The following ESRRG variants were observed in gnomAD, a reference collection of about 807,000 sequenced individuals.
ESRRG encodes the protein estrogen related receptor gamma, also known as estrogen-related receptor gamma.
ESRRG carries 13 observed loss-of-function variants against 44.0 expected under a neutral mutation model. The observed-to-expected ratio is 0.30, with a 90% confidence interval of 0.19 to 0.47. ESRRG has a LOEUF of 0.47. Ranked by LOEUF, ESRRG falls within the 20% of genes least tolerant of loss-of-function variation. The pLI is 1.00. For synonymous variants in ESRRG, 215 were observed against 214.6 expected, an observed-to-expected ratio of 1.00 and a Z score of -0.02; for missense variants, 395 against 580.6, an observed-to-expected ratio of 0.68 and a Z score of 3.29.
intron 2 of ESRRG, among the ~76,000 whole-genome samples, chr1:216,875,457 CAG>C (rs760221406): frequency 6.6e-6 from 1 of 152,024 alleles, no homozygotes; most frequent in Non-Finnish European, 1.5e-5. Context: ...TCTAATATCT[CAG>C]ATTATTTTTA....
intron 1 of ESRRG, among the ~76,000 whole-genome samples, chr1:216,707,691 A>C (rs2082724844): frequency 6.6e-6 from 1 of 152,252 alleles, no homozygotes; most frequent in African/African-American, 2.4e-5. Context: ...TTAGTGCTTA[A>C]GACAGTGTCT....
intron 1 of ESRRG, among the ~76,000 whole-genome samples, chr1:217,026,100 G>A (rs1441560516): frequency 6.6e-6 from 1 of 152,058 alleles, no homozygotes; most frequent in African/African-American, 2.4e-5. Context: ...GCCTTTAGTT[G>A]CCCGACCTCT....
chr1:216,885,607 T>A (rs988956540), intron 2 of ESRRG, among the ~76,000 whole-genome samples: 1 of 152,210 alleles, frequency 6.6e-6, no homozygotes, highest in Non-Finnish European at 1.5e-5. Flanking sequence ...TTAAAGGTTT[T>A]TTTTTTAATG....
intron 1 of ESRRG, among the ~76,000 whole-genome samples, chr1:217,104,078 A>G (rs1323969921): frequency 6.6e-6 from 1 of 152,228 alleles, no homozygotes; most frequent in Non-Finnish European, 1.5e-5. Context: ...CTTGGCACCC[A>G]AAACATCCTC....
At chr1:216,724,674 A>G (rs17043544), upstream of ESRRG, among the ~76,000 whole-genome samples, 3,704 of 152,238 alleles carry the variant, frequency 0.024, 151 homozygotes, top group African/African-American at 0.085. Context: ...AAAAGTGTTC[A>G]AAAAAATAAA....
rs577897297 is a variant in ESRRG, at chr1:216,936,332, G to A, written c.-14+3250C>T. ...CATGAGAAAACAAGTTAGCATGTCA[G>A]TATCATTCTTATAAAAGAAATGAAA... On this transcript the variant is annotated intron_variant, in intron 2 of 7. Transcript: ENST00000359162. Among the ~76,000 whole-genome samples the A allele has an allele frequency of 1.4e-3, 210 of 152,232 alleles. 1 individual carries two copies. The highest frequency in any genetic ancestry group is 0.014 in the Middle Eastern group (4 of 294).
chr1:216,515,412 T>C (rs2043950506), intron 6 of ESRRG, among the ~76,000 whole-genome samples: 1 of 152,032 alleles, frequency 6.6e-6, no homozygotes, highest in African/African-American at 2.4e-5. Flanking sequence ...GTCAAACCTA[T>C]ATGAGAGTCC....
At chr1:216,521,485 A>C (rs190020873) in intron 5 of ESRRG, among the ~76,000 whole-genome samples, 1 of 152,018 alleles carries the variant, frequency 6.6e-6, no homozygotes, top group Admixed American at 6.6e-5. Flanking sequence ...AGTTAGGAGC[A>C]AAAATGAATG....
intron 5 of ESRRG, among the ~76,000 whole-genome samples, chr1:216,538,908 C>G (rs543311351): frequency 6.6e-6 from 1 of 152,000 alleles, no homozygotes; most frequent in East Asian, 1.9e-4. Context: ...ATCGAACAGG[C>G]AAGGGAGATG....
At chr1:216,911,136 C>T (rs541796625) in intron 2 of ESRRG, among the ~76,000 whole-genome samples, 1 of 152,144 alleles carries the variant, frequency 6.6e-6, no homozygotes, top group Admixed American at 6.5e-5. Flanking sequence ...AAGTACATTA[C>T]AGTTGAAAAC....
intron 3 of ESRRG, among the ~76,000 whole-genome samples, chr1:216,648,857 T>C (rs1174685988): frequency 6.6e-6 from 1 of 152,148 alleles, no homozygotes; most frequent in Non-Finnish European, 1.5e-5. Context: ...GGACTTGAAA[T>C]CACTCTTAAT....
chr1:216,663,602 A>G (rs762751941), intron 2 of ESRRG, among the ~76,000 whole-genome samples: 1 of 151,298 alleles, frequency 6.6e-6, no homozygotes, highest in Non-Finnish European at 1.5e-5. Context: ...TTAAAAATAG[A>G]TTAAAAAAAT....
chr1:216,563,060 G>T (rs1008908175), intron 5 of ESRRG, among the ~76,000 whole-genome samples: 2 of 152,162 alleles, frequency 1.3e-5, no homozygotes, highest in African/African-American at 4.8e-5. Context: ...TTGTGTAGGT[G>T]TCTTCTAAAG....
At chr1:216,820,046 T>C (rs1314404753) in intron 2 of ESRRG, among the ~76,000 whole-genome samples, 2 of 152,184 alleles carry the variant, frequency 1.3e-5, no homozygotes, top group African/African-American at 2.4e-5. Context: ...AAAATAAGCG[T>C]TTCTTTACAG....
intron 2 of ESRRG, among the ~76,000 whole-genome samples, chr1:216,809,961 AATGAG>A (rs1266344392): frequency 6.6e-6 from 1 of 152,206 alleles, no homozygotes; most frequent in Non-Finnish European, 1.5e-5. Flanking sequence ...CTCTGACATC[AATGAG>A]ATGAGTGCAT....
At chr1:216,920,333 C>T (rs753336695) in intron 2 of ESRRG, among the ~76,000 whole-genome samples, 7 of 151,424 alleles carry the variant, frequency 4.6e-5, no homozygotes, top group African/African-American at 9.7e-5. Context: ...GTCAAAATTA[C>T]AAAGAAGACC....
At chr1:216,655,792 C>T (rs189505174) in intron 2 of ESRRG, among the ~76,000 whole-genome samples, 1 of 152,284 alleles carries the variant, frequency 6.6e-6, no homozygotes, top group Non-Finnish European at 1.5e-5. Flanking sequence ...TCTCTAATTT[C>T]CAGGCCCTCC....
intron 1 of ESRRG, among the ~76,000 whole-genome samples, chr1:216,975,752 G>A (rs905023131): frequency 1.2e-4 from 18 of 152,142 alleles, no homozygotes; most frequent in African/African-American, 4.1e-4. Context: ...AATCAAAGAG[G>A]TTAAGGAATA....
intron 1 of ESRRG, among the ~76,000 whole-genome samples, chr1:217,079,037 T>C (rs1330049781): frequency 6.6e-6 from 1 of 152,174 alleles, no homozygotes; most frequent in Non-Finnish European, 1.5e-5. Flanking sequence ...TGTTTAGCAG[T>C]GGAATCACCT....
Sources: gnomAD v4.1 joint callset for allele counts (sites outside exome capture counted in the v4.1 genomes callset) on GRCh38, gnomAD v4.1.1 for gene constraint, MANE v1.5 for transcripts, NCBI Gene and HGNC (gene_info 2026-07-23, HGNC 2026-07-21) for gene names.